Variants in ALK observed in about 807,000 individuals in gnomAD.
ALK encodes ALK tyrosine kinase receptor.
A neutral mutation model predicts 163.1 loss-of-function variants in ALK; 74 were observed. That is an observed-to-expected ratio of 0.45 (90% CI 0.38 to 0.55). The LOEUF (loss-of-function observed/expected upper bound fraction) is 0.55. Among genes scored for constraint, ALK ranks in the 20% least tolerant of loss-of-function variants. The pLI is 0.00. For synonymous variants in ALK, 960 were observed against 843.2 expected (o/e 1.14, Z -2.40); for missense variants, 2,063 against 2,105.3 (o/e 0.98, Z 0.39).
chr2:29,465,156 A>C (rs1671178760), intron 4 of ALK, among the ~76,000 whole-genome samples: 1 of 152,228 alleles, frequency 6.6e-6, no homozygotes, highest in Admixed American at 6.5e-5. Context: ...ATGAGTGATA[A>C]GAAGAAAATC....
chr2:29,205,821 G>C (rs1294328308), intron 26 of ALK, among the ~76,000 whole-genome samples: 1 of 152,086 alleles, frequency 6.6e-6, no homozygotes, highest in Non-Finnish European at 1.5e-5. Flanking sequence ...TCCTTATAAG[G>C]CAACAATTCT....
At chr2:29,569,485 TA>T (rs1435723205) in intron 3 of ALK, among the ~76,000 whole-genome samples, 7 of 152,132 alleles carry the variant, frequency 4.6e-5, no homozygotes, top group Admixed American at 6.5e-5. Context: ...AGGTGGGTAA[TA>T]ATGAATGGGA....
At chr2:29,217,129 GGT>G (rs146323322) in intron 23 of ALK, among the ~76,000 whole-genome samples, 83,445 of 138,098 alleles carry the variant, frequency 0.6, 27,133 homozygotes, top group Middle Eastern at 0.82. Flanking sequence ...GGGCGTGTGT[GGT>G]GTGTGTGTGT....
chr2:29,514,514 C>G (rs897889210), intron 4 of ALK, among the ~76,000 whole-genome samples: 86 of 152,200 alleles, frequency 5.7e-4, no homozygotes, highest in African/African-American at 2.0e-3. Flanking sequence ...ATGCCAACAA[C>G]TCCTGGTTTT....
intron 1 of ALK, among the ~76,000 whole-genome samples, chr2:29,901,779 G>A (rs1018246023): frequency 1.1e-4 from 17 of 152,260 alleles, no homozygotes; most frequent in African/African-American, 3.1e-4. Flanking sequence ...CAGGAAGATC[G>A]CCGTATCTTC....
At chr2:29,586,054 GCATTATTGTGTTATTACAGTTAAA>G (rs1205944385) in intron 3 of ALK, among the ~76,000 whole-genome samples, 6 of 152,016 alleles carry the variant, frequency 3.9e-5, no homozygotes, top group Non-Finnish European at 8.8e-5. Flanking sequence ...AACCTCATTG[GCATTATTGTGTTATTACAGTTAAA>G]ACCTTCGCCA....
intron 1 of ALK, among the ~76,000 whole-genome samples, chr2:29,749,404 G>A (rs535955943): frequency 6.6e-6 from 1 of 152,320 alleles, no homozygotes; most frequent in East Asian, 1.9e-4. Context: ...TTTACAAACA[G>A]CACTTCAGTT....
chr2:29,912,575 A>G (rs1667734629), intron 1 of ALK, among the ~76,000 whole-genome samples: 1 of 152,148 alleles, frequency 6.6e-6, no homozygotes, highest in Non-Finnish European at 1.5e-5. Flanking sequence ...AAAATAGGAA[A>G]TATTGAAACT....
chr2:29,546,800 C>T (rs548488463), intron 3 of ALK, among the ~76,000 whole-genome samples: 1 of 148,606 alleles, frequency 6.7e-6, no homozygotes, highest in East Asian at 1.9e-4. Context: ...TTTTAAAAAG[C>T]AATTTTTTGC....
intron 4 of ALK, among the ~76,000 whole-genome samples, chr2:29,521,114 A>G (rs1047268902): frequency 6.6e-6 from 1 of 152,196 alleles, no homozygotes; most frequent in Non-Finnish European, 1.5e-5. Flanking sequence ...GGGGCTAAGA[A>G]AAAAGCAGCA....
rs1287192859 is a variant in ALK, at chr2:29,296,916, C to A, written c.1789G>T (p.Val597Leu). The A allele has an allele frequency of 1.2e-6, 2 of 1,614,058 alleles. No homozygotes were observed. Among genetic ancestry groups the A allele is most frequent in the Non-Finnish European group, 8.5e-7 (1 of 1,180,024 alleles). ...YEGLSLWQWMVLPLLDVSDRF... is the reference protein window; with the variant it reads ...YEGLSLWQWMLLPLLDVSDRF... ...TCAGACACATCGAGGAGAGGCAACA[C>A]CATCCACTGCCACAGGCTCAAGCCT... The change falls in exon 9 of 29, where the codon GTG (valine) becomes TTG (leucine). Residue 597 changes from valine to leucine, a missense_variant. Physicochemically the swap from Val to Leu is conservative, Grantham distance 32. Around this residue, in one of 5 missense-constraint regions of ALK, gnomAD observed 987 missense variants for 939.5 expected, o/e 1.05. Coordinates refer to ENST00000389048, the MANE Select transcript of ALK (RefSeq NM_004304.5).
chr2:29,248,912 G>GT (rs1378754462), intron 12 of ALK, among the ~76,000 whole-genome samples: 1 of 152,258 alleles, frequency 6.6e-6, no homozygotes, highest in Non-Finnish European at 1.5e-5. Flanking sequence ...AAACTACCGC[G>GT]TATGGGGTCG....
intron 1 of ALK, among the ~76,000 whole-genome samples, chr2:29,767,553 T>C (rs1179775835): frequency 6.6e-6 from 1 of 152,230 alleles, no homozygotes; most frequent in African/African-American, 2.4e-5. Context: ...ACATATGTCC[T>C]ACTTTCTCAC....
chr2:29,876,608 C>T (rs1666720689), intron 1 of ALK, among the ~76,000 whole-genome samples: 1 of 126,198 alleles, frequency 7.9e-6, no homozygotes, highest in South Asian at 2.8e-4. Flanking sequence ...ATGGTGATGG[C>T]AATAATGCTG....
chr2:29,309,778 G>A (rs1055989614), intron 8 of ALK, among the ~76,000 whole-genome samples: 7 of 152,086 alleles, frequency 4.6e-5, no homozygotes, highest in African/African-American at 1.7e-4. Flanking sequence ...AATTATCAAC[G>A]AAGTGGGTTT....
chr2:29,337,797 C>T (rs1427755820), intron 5 of ALK, among the ~76,000 whole-genome samples: 1 of 152,164 alleles, frequency 6.6e-6, no homozygotes, highest in Non-Finnish European at 1.5e-5. Context: ...CCCTAGTTTC[C>T]ATGTCTGTGA....
At chr2:29,406,647 A>AT (rs1669590963) in intron 4 of ALK, among the ~76,000 whole-genome samples, 1 of 152,140 alleles carries the variant, frequency 6.6e-6, no homozygotes, top group African/African-American at 2.4e-5. Flanking sequence ...CACGCCTGTA[A>AT]TTCCAGCACT....
intron 1 of ALK, among the ~76,000 whole-genome samples, chr2:29,830,017 A>C (rs1163857075): frequency 6.6e-6 from 1 of 152,060 alleles, no homozygotes; most frequent in Non-Finnish European, 1.5e-5. Flanking sequence ...ATCCTTCATC[A>C]CTCCCTTGGC....
At chr2:29,620,194 T>G (rs561834491) in intron 3 of ALK, among the ~76,000 whole-genome samples, 1 of 152,234 alleles carries the variant, frequency 6.6e-6, no homozygotes, top group East Asian at 1.9e-4. Context: ...CACAACGGTG[T>G]TGCCTGGCAG....
Sources: gnomAD v4.1 joint callset for allele counts (sites outside exome capture counted in the v4.1 genomes callset) on GRCh38, gnomAD v4.1.1 for gene constraint, gnomAD v4.1.1 regional missense constraint, MANE v1.5 for transcripts, NCBI Gene and HGNC (gene_info 2026-07-23, HGNC 2026-07-21) for gene names.